Variants in NPLOC4 observed in about 807,000 individuals in gnomAD.
The protein encoded by NPLOC4 is NPL4 homolog, ubiquitin recognition factor, also known as nuclear protein localization protein 4 homolog.
Under a neutral mutation model 80.6 loss-of-function variants are expected in NPLOC4, and 18 were observed. That is an observed-to-expected ratio of 0.22 (90% CI 0.15 to 0.33). The LOEUF is 0.33. Ranked by LOEUF, NPLOC4 falls within the 10% of genes least tolerant of loss-of-function variation. The pLI, the probability that NPLOC4 is intolerant of heterozygous loss-of-function variation, is 1.00. For missense variants in NPLOC4, 540 were observed against 786.1 expected (o/e 0.69, Z 3.74); for synonymous variants, 313 against 301.5 (o/e 1.04, Z -0.39).
At chr17:81,586,106 A>T (rs2034576318) in intron 12 of NPLOC4, among the ~76,000 whole-genome samples, 1 of 152,102 alleles carries the variant, frequency 6.6e-6, no homozygotes, top group Admixed American at 6.5e-5. Context: ...CCAACGGGGT[A>T]GGAGGGAGGA....
intron 3 of NPLOC4, among the ~76,000 whole-genome samples, chr17:81,621,614 G>A (rs1051246973): frequency 1.3e-5 from 2 of 152,192 alleles, no homozygotes; most frequent in African/African-American, 4.8e-5. Flanking sequence ...CAGGCCTCAC[G>A]GTCTATCACA....
chr17:81,598,094 CAAAAAAAAAA>C lies in NPLOC4; in HGVS notation c.922-788_922-779del, dbSNP rs71367068. ...TGGCCCACAGAGCAAGACTCTGTCT[CAAAAAAAAAA>C]AAAAAAAAAAAGATAGATGATGAAT... On this transcript the variant is annotated intron_variant, in intron 9 of 16. Coordinates refer to ENST00000331134, the MANE Select transcript of NPLOC4 (RefSeq NM_017921.4). Among the ~76,000 whole-genome samples, 4 of 88,244 alleles carry C rather than the reference CAAAAAAAAAA, an allele frequency of 4.5e-5. 1 individual carries two copies. In the East Asian group the frequency reaches 2.2e-3, roughly 48 times the overall value. The allele number at this position is 88,244 out of a possible 152,430, so 57.9% of individuals were successfully genotyped here.
At chr17:81,606,377 G>A (rs1354953535) in intron 7 of NPLOC4, among the ~76,000 whole-genome samples, 1 of 152,078 alleles carries the variant, frequency 6.6e-6, no homozygotes, top group African/African-American at 2.4e-5. Context: ...TCCAAGGGGT[G>A]CCCCTTTACC....
intron 12 of NPLOC4, among the ~76,000 whole-genome samples, chr17:81,582,047 C>A (rs9892655): frequency 6.6e-6 from 1 of 152,046 alleles, no homozygotes; most frequent in Non-Finnish European, 1.5e-5. Context: ...CTCCTCTGTA[C>A]CAAAGAACAC....
intron 1 of NPLOC4, among the ~76,000 whole-genome samples, chr17:81,630,465 G>C (rs1049524683): frequency 6.6e-6 from 1 of 150,526 alleles, no homozygotes; most frequent in Non-Finnish European, 1.5e-5. Context: ...TTTTTTTTTT[G>C]TAGTGACGGA....
At chr17:81,605,520 T>G (rs2035180043) in intron 7 of NPLOC4, among the ~76,000 whole-genome samples, 1 of 151,332 alleles carries the variant, frequency 6.6e-6, no homozygotes, top group African/African-American at 2.4e-5. Context: ...TGGTGGCTCA[T>G]GCCTGTAATC....
intron 4 of NPLOC4, 162 bp downstream of exon 4, chr17:81,613,156 G>T: frequency 2.0e-6 from 1 of 503,180 alleles, no homozygotes; most frequent in Non-Finnish European, 3.1e-6. Flanking sequence ...CCGATAAAAA[G>T]CTAACAAGAT....
intron 3 of NPLOC4, among the ~76,000 whole-genome samples, chr17:81,617,140 C>T (rs771705243): frequency 9.9e-5 from 15 of 152,194 alleles, no homozygotes; most frequent in Non-Finnish European, 2.1e-4. Context: ...CTCAACCACC[C>T]AGTGGTCTTC....
intron 3 of NPLOC4, among the ~76,000 whole-genome samples, chr17:81,620,687 G>A (rs910071219): frequency 6.6e-6 from 1 of 151,868 alleles, no homozygotes; most frequent in Non-Finnish European, 1.5e-5. Flanking sequence ...AAAAGAGGAG[G>A]GAGAAAAAAA....
intron 3 of NPLOC4, among the ~76,000 whole-genome samples, chr17:81,614,601 T>C (rs1271491876): frequency 6.7e-6 from 1 of 148,496 alleles, no homozygotes; most frequent in Non-Finnish European, 1.5e-5. Context: ...ACTGACGTAC[T>C]GCTTTCCAAA....
At chr17:81,587,918 G>A (rs529575432) in intron 12 of NPLOC4, among the ~76,000 whole-genome samples, 3 of 151,752 alleles carry the variant, frequency 2.0e-5, no homozygotes, top group Admixed American at 6.6e-5. Context: ...CTTGTGATCC[G>A]CCCATCTCGG....
intron 8 of NPLOC4, among the ~76,000 whole-genome samples, chr17:81,602,811 G>A (rs907403260): frequency 4.0e-5 from 6 of 151,566 alleles, no homozygotes; most frequent in South Asian, 4.2e-4. Context: ...AGGCTGAGGC[G>A]AGTGAACTGT....
chr17:81,616,447 T>C (rs7503894), intron 3 of NPLOC4, among the ~76,000 whole-genome samples: 111,986 of 151,766 alleles, frequency 0.74, 42,434 homozygotes, highest in East Asian at 1. Flanking sequence ...GAGTAACACA[T>C]GGGCCAGGCA....
chr17:81,569,311 G>A (rs1244205847), intron 13 of NPLOC4, among the ~76,000 whole-genome samples, 200 bp from the exon 14 acceptor site: 1 of 152,196 alleles, frequency 6.6e-6, no homozygotes, highest in Non-Finnish European at 1.5e-5. Context: ...CGCCATCCTG[G>A]AGACAAACTA....
intron 12 of NPLOC4, among the ~76,000 whole-genome samples, chr17:81,583,468 G>A (rs911139431): frequency 6.6e-6 from 1 of 152,188 alleles, no homozygotes; most frequent in African/African-American, 2.4e-5. Context: ...ATGTTTTTCT[G>A]CAGGGGACAA....
chr17:81,565,051 C>T, intron 16 of NPLOC4: 1 of 499,262 alleles, frequency 2.0e-6, no homozygotes, highest in South Asian at 2.6e-5. Context: ...ACACGCAATG[C>T]CTGCGGTCCG....
At chr17:81,618,848 T>C (rs1189269292) in intron 3 of NPLOC4, among the ~76,000 whole-genome samples, 2 of 152,220 alleles carry the variant, frequency 1.3e-5, no homozygotes, top group Non-Finnish European at 2.9e-5. Context: ...CTTTTCATTT[T>C]GTTCTGTACT....
intron 12 of NPLOC4, among the ~76,000 whole-genome samples, chr17:81,585,625 C>T (rs148108994): frequency 0.015 from 2,216 of 147,800 alleles, 27 homozygotes; most frequent in South Asian, 0.025. Flanking sequence ...CAGGCCACTG[C>T]ACTCCAGCCT....
chr17:81,613,161 C>G, intron 4 of NPLOC4, 157 bp downstream of exon 4: 1 of 521,820 alleles, frequency 1.9e-6, no homozygotes, highest in Non-Finnish European at 3.0e-6. Context: ...AAAAAGCTAA[C>G]AAGATAACTT....
Sources: allele counts gnomAD v4.1 joint callset (sites outside exome capture counted in the v4.1 genomes callset), GRCh38; gene constraint gnomAD v4.1.1; transcripts MANE v1.5; gene names NCBI Gene and HGNC (gene_info 2026-07-23, HGNC 2026-07-21).